ATRNL1: variants seen among roughly 807,000 people sequenced by gnomAD.
The protein encoded by ATRNL1 is attractin-like protein 1.
In ATRNL1, 95 loss-of-function variants were observed where a neutral mutation model predicts 182.7. The ratio of observed to expected loss-of-function variants is 0.52; its 90% CI spans 0.44 to 0.62. The LOEUF is 0.62. Ranked by LOEUF, ATRNL1 falls within the 20% of genes least tolerant of loss-of-function variation. The pLI is 0.00. For missense variants in ATRNL1, 1,471 were observed against 1,679.5 expected, an observed-to-expected ratio of 0.88 and a Z score of 2.17; for synonymous variants, 576 against 568.3, an observed-to-expected ratio of 1.01 and a Z score of -0.19.
intron 5 of ATRNL1, among the ~76,000 whole-genome samples, chr10:115,150,224 G>A (rs889673341): frequency 3.3e-5 from 5 of 150,754 alleles, no homozygotes; most frequent in Admixed American, 1.3e-4. Flanking sequence ...GTTGATTTGG[G>A]TTTTCTAATT....
chr10:115,702,315 C>G (rs1292384187), intron 26 of ATRNL1, among the ~76,000 whole-genome samples: 1 of 151,978 alleles, frequency 6.6e-6, no homozygotes, highest in Non-Finnish European at 1.5e-5. Flanking sequence ...CAACATAATA[C>G]TGAATGGGCA....
chr10:115,405,940 GTGTT>G (rs1844808450), intron 20 of ATRNL1, among the ~76,000 whole-genome samples: 1 of 148,732 alleles, frequency 6.7e-6, no homozygotes, highest in African/African-American at 2.5e-5. Context: ...AGAACATGCG[GTGTT>G]TGTTTTTTTG....
Position 115,848,039 on chromosome 10 carries a change from G to A in ATRNL1, c.4018+48G>A, listed in dbSNP as rs144873230. 6.5e-5 allele frequency: 66 copies of A among 1,010,254 alleles called. No homozygotes were observed. In the East Asian group the frequency reaches 1.4e-3, roughly 22 times the overall value. 62.6% of individuals were successfully genotyped at this position (1,010,254 alleles called of 1,614,324 possible). Reference sequence around the variant, plus strand: ...AGCAGTTAAGCAAAACTTGTAGACTGAACAGAAGAAATAAACAATACCACT... The same window carrying A: ...AGCAGTTAAGCAAAACTTGTAGACTAAACAGAAGAAATAAACAATACCACT... On this transcript the variant is annotated intron_variant, in intron 28 of 28. Transcript: ENST00000355044.
intron 27 of ATRNL1, among the ~76,000 whole-genome samples, chr10:115,760,755 T>G (rs564576372): frequency 6.6e-5 from 10 of 152,248 alleles, no homozygotes; most frequent in Non-Finnish European, 1.5e-4. Flanking sequence ...ATTTTTGTTC[T>G]ACTTGTTTGA....
intron 26 of ATRNL1, among the ~76,000 whole-genome samples, chr10:115,722,026 C>T (rs1158475637): frequency 2.6e-5 from 4 of 152,156 alleles, no homozygotes; most frequent in East Asian, 1.9e-4. Context: ...TATGGAATCT[C>T]GCATTATTAA....
chr10:115,614,695 T>C (rs1392875274), intron 26 of ATRNL1, among the ~76,000 whole-genome samples: 1 of 152,166 alleles, frequency 6.6e-6, no homozygotes, highest in African/African-American at 2.4e-5. Context: ...TACATCTGTG[T>C]GCTCCAGTGC....
intron 19 of ATRNL1, among the ~76,000 whole-genome samples, chr10:115,372,163 G>A (rs938618170): frequency 1.1e-4 from 16 of 152,244 alleles, no homozygotes; most frequent in East Asian, 7.7e-4. Flanking sequence ...TATCAGTAGC[G>A]TGGAAACGGA....
chr10:115,632,387 A>G (rs928929941), intron 26 of ATRNL1, among the ~76,000 whole-genome samples: 4 of 152,204 alleles, frequency 2.6e-5, no homozygotes, highest in African/African-American at 4.8e-5. Context: ...GATTATTTTT[A>G]TATGATCTTC....
At chr10:115,387,817 A>G (rs1554953100) in intron 19 of ATRNL1, among the ~76,000 whole-genome samples, 2 of 152,100 alleles carry the variant, frequency 1.3e-5, no homozygotes, top group African/African-American at 2.4e-5. Flanking sequence ...TTTATCATTT[A>G]TAAGTTGATG....
chr10:115,477,939 C>T (rs1295566222), intron 24 of ATRNL1, among the ~76,000 whole-genome samples: 9 of 151,580 alleles, frequency 5.9e-5, no homozygotes, highest in Non-Finnish European at 1.0e-4. Flanking sequence ...TATCTTGCTT[C>T]CAGGTTACAA....
At chr10:115,477,297 G>T (rs1414135784) in intron 24 of ATRNL1, among the ~76,000 whole-genome samples, 1 of 151,552 alleles carries the variant, frequency 6.6e-6, no homozygotes, top group Non-Finnish European at 1.5e-5. Context: ...TTAGCATAAG[G>T]TGTTGCTAAC....
At chr10:115,715,128 C>T (rs1947208741) in intron 26 of ATRNL1, among the ~76,000 whole-genome samples, 1 of 152,148 alleles carries the variant, frequency 6.6e-6, no homozygotes, top group Non-Finnish European at 1.5e-5. Context: ...ATGCCTTTCT[C>T]AGTTGCCCCA....
At chr10:115,646,479 C>T (rs1333338768) in intron 26 of ATRNL1, among the ~76,000 whole-genome samples, 2 of 152,062 alleles carry the variant, frequency 1.3e-5, no homozygotes, top group African/African-American at 4.8e-5. Context: ...GTTAAAGAGA[C>T]AGTGGAGAAG....
chr10:115,854,206 A>G (rs1951123605), intron 28 of ATRNL1, among the ~76,000 whole-genome samples: 1 of 152,256 alleles, frequency 6.6e-6, no homozygotes, highest in Non-Finnish European at 1.5e-5. Context: ...GCTAAGTTTA[A>G]TATTTGTCTA....
chr10:115,943,898 G>A (rs139538553), intron 28 of ATRNL1, among the ~76,000 whole-genome samples: 1 of 152,222 alleles, frequency 6.6e-6, no homozygotes, highest in East Asian at 1.9e-4. Flanking sequence ...ATGGAGGTAC[G>A]TTAAATACAT....
chr10:115,239,904 G>A (rs1429646958), intron 9 of ATRNL1, among the ~76,000 whole-genome samples: 12 of 152,116 alleles, frequency 7.9e-5, no homozygotes, highest in Non-Finnish European at 1.6e-4. Context: ...AGAAGTGCTG[G>A]TATCCTGCCA....
rs558190314 is a variant in ATRNL1, at chr10:115,309,120, C to A, written c.2819-6398C>A. Among the ~76,000 whole-genome samples the A allele has an allele frequency of 3.3e-5, 5 of 151,668 alleles. No homozygotes were observed. In the South Asian group the frequency reaches 6.2e-4, roughly 19 times the overall value. On this transcript the variant is annotated intron_variant, in intron 17 of 28. Transcript: ENST00000355044. ...ATTCTGTTCCATTTTTCTGTGTATC[C>A]CCATTTTTCTATGTATCTACTTTTA...
At chr10:115,678,740 T>G (rs369649045) in intron 26 of ATRNL1, among the ~76,000 whole-genome samples, 6 of 152,082 alleles carry the variant, frequency 3.9e-5, no homozygotes, top group Non-Finnish European at 8.8e-5. Flanking sequence ...TTTCTGTCAC[T>G]AAAGGTGTCA....
chr10:115,354,167 G>A (rs11197180), intron 19 of ATRNL1, among the ~76,000 whole-genome samples: 36,678 of 149,982 alleles, frequency 0.24, 5,576 homozygotes, highest in Non-Finnish European at 0.35. Flanking sequence ...TATCATTAGT[G>A]ATAGTGTGTT....
Sources: gnomAD v4.1 joint callset for allele counts (sites outside exome capture counted in the v4.1 genomes callset) on GRCh38, gnomAD v4.1.1 for gene constraint, MANE v1.5 for transcripts, NCBI Gene and HGNC (gene_info 2026-07-23, HGNC 2026-07-21) for gene names.